Variants in ACTN1 observed in about 807,000 individuals in gnomAD.
ACTN1 encodes actinin alpha 1.
ACTN1 carries 30 observed loss-of-function variants against 119.6 expected under a neutral mutation model. The ratio of observed to expected loss-of-function variants is 0.25; its 90% CI spans 0.19 to 0.34. ACTN1 has a LOEUF of 0.34. Among genes scored for constraint, ACTN1 ranks in the 10% least tolerant of loss-of-function variants. The pLI, the probability that ACTN1 is intolerant of heterozygous loss-of-function variation, is 1.00. For missense variants in ACTN1, 764 were observed against 1,223.4 expected, an observed-to-expected ratio of 0.62 and a Z score of 5.60; for synonymous variants, 429 against 472.6, an observed-to-expected ratio of 0.91 and a Z score of 1.20.
intron 1 of ACTN1, chr14:68,977,980 G>A (rs1270059274): frequency 2.2e-6 from 1 of 456,156 alleles, no homozygotes; most frequent in East Asian, 7.0e-5. Flanking sequence ...GTAGGGTTGA[G>A]GCGCCCTCCC....
intron 8 of ACTN1, among the ~76,000 whole-genome samples, chr14:68,901,199 G>GGTT (rs2033291116): frequency 7.7e-6 from 1 of 129,462 alleles, no homozygotes; most frequent in African/African-American, 3.1e-5. Context: ...TTTTTTTTTT[G>GGTT]TTTTATGGTT....
intron 21 of ACTN1, among the ~76,000 whole-genome samples, 178 bp downstream of exon 21, chr14:68,876,904 A>C (rs774484715): frequency 1.3e-5 from 2 of 152,078 alleles, no homozygotes; most frequent in Non-Finnish European, 2.9e-5. Context: ...CTGTGTCCTG[A>C]CACCTTAGCT....
At chr14:68,951,971 T>C (rs1282981698) in intron 1 of ACTN1, among the ~76,000 whole-genome samples, 1 of 152,210 alleles carries the variant, frequency 6.6e-6, no homozygotes, top group African/African-American at 2.4e-5. Context: ...TCTTTCACCC[T>C]ACTCCCTGTC....
At chr14:68,908,950 C>T (rs2033831668) in intron 6 of ACTN1, among the ~76,000 whole-genome samples, 1 of 152,200 alleles carries the variant, frequency 6.6e-6, no homozygotes, top group Non-Finnish European at 1.5e-5. Flanking sequence ...ATGAACTGTC[C>T]CTTAGAATAT....
chr14:68,937,115 T>C (rs1217498573), intron 1 of ACTN1, among the ~76,000 whole-genome samples: 2 of 152,186 alleles, frequency 1.3e-5, no homozygotes, highest in African/African-American at 4.8e-5. Context: ...CATGGATTCC[T>C]GGCCCCGTCT....
At position 68,884,287 on chromosome 14, in the gene ACTN1, T is replaced by C. The variant is rs113831614; in HGVS notation, c.1516A>G (p.Thr506Ala). 6.2e-7 allele frequency: 1 copy of C among 1,613,954 alleles called. No homozygotes were observed. The highest frequency in any genetic ancestry group is 1.3e-5 in the African/African-American group (1 of 75,012). ...ALERTEKLLE[T>A]IDQLYLEYAK... is the part of the protein sequence containing the mutation. ...TACTCCAAGTACAGCTGGTCAATGGTCTCCAGCAGTTTCTCGGTCCGCTGG... is the reference window on the plus strand; with the variant it reads ...TACTCCAAGTACAGCTGGTCAATGGCCTCCAGCAGTTTCTCGGTCCGCTGG... The change falls in exon 14 of 22, where the codon ACC becomes GCC. Residue 506 changes from threonine (T) to alanine (A), a missense_variant. By Grantham distance (58) the Thr-to-Ala change is moderately conservative. Around this residue, in one of 4 missense-constraint regions of ACTN1, gnomAD observed 544 missense variants for 912.0 expected, o/e 0.60. Transcript: ENST00000394419.
At chr14:68,888,596 G>A (rs2032219908) in intron 11 of ACTN1, among the ~76,000 whole-genome samples, 1 of 152,060 alleles carries the variant, frequency 6.6e-6, no homozygotes, top group African/African-American at 2.4e-5. Context: ...TACACCAGGG[G>A]TCCCCACCCC....
chr14:68,892,426 T>C (rs1181574469), intron 9 of ACTN1, 143 bp from the exon 10 acceptor site: 3 of 842,278 alleles, frequency 3.6e-6, no homozygotes, highest in East Asian at 5.3e-5. Flanking sequence ...CCACTGACAT[T>C]CCCAGGCCAT....
At chr14:68,883,382 C>A (rs2140097379) in intron 14 of ACTN1, 2 of 286,598 alleles carry the variant, frequency 7.0e-6, no homozygotes, top group Middle Eastern at 2.1e-3. Flanking sequence ...TAGCTCCTGG[C>A]AAAACCTTTT....
rs577810726 is a variant in ACTN1, at chr14:68,893,402, A to C, written c.855+253T>G. Among the ~76,000 whole-genome samples the C allele has an allele frequency of 2.6e-5, 4 of 152,306 alleles. No homozygotes were observed. The East Asian group carries it at 7.7e-4, about 29-fold the overall frequency. ...CCCCTGGCTCAACTCTCACTTGACA[A>C]GTGAAAAAAACAAGAAGACTCTGAG... On this transcript the variant is annotated intron_variant, in intron 9 of 21. Transcript: ENST00000394419.
chr14:68,921,723 A>G (rs1028460844), intron 2 of ACTN1, among the ~76,000 whole-genome samples: 2 of 152,156 alleles, frequency 1.3e-5, no homozygotes, highest in African/African-American at 4.8e-5. Flanking sequence ...GGAGGAGGGT[A>G]TAGGTCACTC....
At chr14:68,960,550 T>C (rs900971412) in intron 1 of ACTN1, among the ~76,000 whole-genome samples, 7 of 152,134 alleles carry the variant, frequency 4.6e-5, no homozygotes, top group African/African-American at 1.7e-4. Context: ...CTAACCTCTT[T>C]TAACATTGTT....
At position 68,943,342 on chromosome 14, in the gene ACTN1, C is replaced by A. The variant is rs142954995; in HGVS notation, c.106-17670G>T. 1.8e-4 allele frequency among the ~76,000 whole-genome samples: 28 copies of A among 152,306 alleles called. 1 individual carries two copies. The Middle Eastern group carries it at 0.01, about 56-fold the overall frequency. On this transcript the variant is annotated intron_variant, in intron 1 of 21. Transcript: ENST00000394419. ...GATCTGTCCACCTCTGCTGAGAAGC[C>A]CAGGGACCTCTGGGTAGTGCAGGGC...
chr14:68,946,231 G>A (rs768585572), intron 1 of ACTN1, among the ~76,000 whole-genome samples: 4 of 152,122 alleles, frequency 2.6e-5, no homozygotes, highest in Non-Finnish European at 4.4e-5. Flanking sequence ...TGGGGGTGGG[G>A]CCCAGCAGAG....
At chr14:68,907,521 G>A (rs933697135) in intron 6 of ACTN1, among the ~76,000 whole-genome samples, 2 of 152,176 alleles carry the variant, frequency 1.3e-5, no homozygotes, top group Admixed American at 6.5e-5. Context: ...TGGAGATCAC[G>A]CCATTGCACT....
At position 68,878,393 on chromosome 14, in the gene ACTN1, C is replaced by T. The variant is rs2031129566; in HGVS notation, c.2427+65G>A. On this transcript the variant is annotated intron_variant, in intron 20 of 21. Coordinates refer to ENST00000394419, the MANE Select transcript of ACTN1 (RefSeq NM_001130004.2). The surrounding 1 kb of genome is among the most constrained non-coding windows in gnomAD (Gnocchi z 4.4). ...GGCCTCCAGCCTGCCACTCCTGGGA[C>T]TTGGCTGCTCCCGCCAGCTGGCTGC... 1.8e-5 allele frequency: 27 copies of T among 1,512,984 alleles called. No homozygotes were observed. The South Asian group carries it at 3.2e-4, about 18-fold the overall frequency. 93.7% of individuals were successfully genotyped at this position (1,512,984 alleles called of 1,614,324 possible).
intron 11 of ACTN1, among the ~76,000 whole-genome samples, chr14:68,889,755 T>C (rs1264758972): frequency 2.6e-5 from 4 of 151,996 alleles, no homozygotes; most frequent in African/African-American, 9.7e-5. Flanking sequence ...TTGCATTCGA[T>C]CCTGGCAACA....
At chr14:68,942,883 G>A (rs567490870) in intron 1 of ACTN1, among the ~76,000 whole-genome samples, 4 of 152,150 alleles carry the variant, frequency 2.6e-5, no homozygotes, top group Non-Finnish European at 5.9e-5. Flanking sequence ...ATCCATCACA[G>A]GAGATTGTAG....
chr14:68,974,083 C>G (rs1159737706), intron 1 of ACTN1: 1 of 152,574 alleles, frequency 6.6e-6, no homozygotes, highest in Non-Finnish European at 1.5e-5. Context: ...GGGAAGGTAC[C>G]CTTTGGCTCC....
Sources: gnomAD v4.1 joint callset for allele counts (sites outside exome capture counted in the v4.1 genomes callset) on GRCh38, gnomAD v4.1.1 for gene constraint, gnomAD v4.1.1 regional missense constraint, Gnocchi (gnomAD v3.1) non-coding constraint, MANE v1.5 for transcripts, NCBI Gene and HGNC (gene_info 2026-07-23, HGNC 2026-07-21) for gene names.